DMRT3: variants seen among roughly 807,000 people sequenced by gnomAD.
The protein encoded by DMRT3 is doublesex- and mab-3-related transcription factor 3.
In DMRT3, 29 loss-of-function variants were observed where a neutral mutation model predicts 34.9. That is an observed-to-expected ratio of 0.83 (90% confidence interval 0.62 to 1.13). DMRT3 has a LOEUF of 1.13. Among genes scored for constraint, DMRT3 ranks in the 50% most tolerant of loss-of-function variants. The probability of loss-of-function intolerance (pLI) is 0.00; values close to 1 mark genes in which losing one functional copy is unlikely to be tolerated. For synonymous variants in DMRT3, 350 were observed against 286.0 expected (o/e 1.22, Z -2.26); for missense variants, 772 against 629.1 (o/e 1.23, Z -2.43).
rs1478625781 is a variant in DMRT3 at position 977,019 on chromosome 9, C to T, written c.18C>T (p.Ser6=). 6.5e-7 allele frequency: 1 copy of T among 1,540,950 alleles called. No individual in the cohort carries two copies. The highest frequency in any genetic ancestry group is 1.2e-5 in the South Asian group (1 of 83,308). The change falls in exon 1 of 2, where the codon TCC becomes TCT. Residue 6 remains serine (S), a synonymous_variant. Transcript: ENST00000190165. MNGYG[S]PYLYMGGPVS... The stretch of plus-strand genomic sequence containing the variant: ...CCCGGGGCATGAACGGCTACGGCTC[C>T]CCCTACCTGTACATGGGCGGCCCGG...
rs775580577 is a variant in DMRT3, at chr9:977,462, G to A, written c.454+7G>A. 1 of 1,281,708 alleles carries A rather than the reference G, an allele frequency of 7.8e-7. No homozygotes were observed. Among genetic ancestry groups the A allele is most frequent in the Non-Finnish European group, 9.9e-7 (1 of 1,014,100 alleles). The allele number at this position is 1,281,708 out of a possible 1,614,324, so 79.4% of individuals were successfully genotyped here. On this transcript the variant is annotated splice_region_variant and intron_variant, in intron 1 of 1. Coordinates refer to ENST00000190165, the MANE Select transcript of DMRT3 (RefSeq NM_021240.4). ...GCGCAGCTCGCCAAGCCAGGTAAGA[G>A]CGTCTGAGGTGCGGGAGTTTGGCCG...
chr9:977,654 C>G (rs375037901), intron 1 of DMRT3, among the ~76,000 whole-genome samples, 199 bp downstream of exon 1: 1 of 152,188 alleles, frequency 6.6e-6, no homozygotes, highest in African/African-American at 2.4e-5. Flanking sequence ...GAGTGGCACT[C>G]GCGCCCGCAG....
chr9:986,756 T>C (rs983344289), intron 1 of DMRT3, among the ~76,000 whole-genome samples: 1 of 151,914 alleles, frequency 6.6e-6, no homozygotes, highest in African/African-American at 2.4e-5. Flanking sequence ...CTGGGTGTGG[T>C]GGCACACACC....
In DMRT3 at chr9:977,250, G is replaced by A. The variant is rs1311152743; in HGVS notation, c.249G>A (p.Leu83=). ...GCCGGCAGCAGGCCAACGAGAGCTT[G>A]GAGAGCCTCATCCCCGACTCGCTGC... ...ALRRQQANES[L]ESLIPDSLRA... Residue 83 remains leucine, a synonymous_variant, in exon 1 of 2, where the codon TTG becomes TTA. Coordinates refer to ENST00000190165, the MANE Select transcript of DMRT3 (RefSeq NM_021240.4). The A allele has an allele frequency of 1.3e-6, 2 of 1,590,960 alleles. No homozygotes were observed. The highest frequency in any genetic ancestry group is 1.7e-6 in the Non-Finnish European group (2 of 1,168,390).
chr9:979,630 T>G (rs1820192316), intron 1 of DMRT3, among the ~76,000 whole-genome samples: 1 of 151,890 alleles, frequency 6.6e-6, no homozygotes, highest in African/African-American at 2.4e-5. Flanking sequence ...AAATCACCAC[T>G]CTGATGGGGA....
intron 1 of DMRT3, among the ~76,000 whole-genome samples, chr9:978,313 T>C (rs907829671): frequency 6.6e-6 from 1 of 152,192 alleles, no homozygotes; most frequent in African/African-American, 2.4e-5. Context: ...TCTTAGTCTC[T>C]CTCTTCCTGG....
Position 990,820 on chromosome 9 carries a change from C to T in DMRT3, c.1234C>T (p.Pro412Ser). 2 of 1,614,134 alleles carry T rather than the reference C, an allele frequency of 1.2e-6. No individual in the cohort carries two copies. The highest frequency in any genetic ancestry group is 1.7e-6 in the Non-Finnish European group (2 of 1,180,022). ...GAGGTCCCAGTATGTCAGTCCTTTC[C>T]CCAGTAACTCTACCAGCGTCTTCAG... ...QLRSQYVSPFPSNSTSVFRSS... is the reference protein window; with the variant it reads ...QLRSQYVSPFSSNSTSVFRSS... Residue 412 changes from proline to serine, a missense_variant, in exon 2 of 2, where the codon CCC becomes TCC. Physicochemically the swap from Pro to Ser is moderately conservative, Grantham distance 74. Coordinates refer to ENST00000190165, the MANE Select transcript of DMRT3 (RefSeq NM_021240.4).
In DMRT3 at chr9:976,931, C is replaced by G; in HGVS notation, c.-71C>G. 1 of 1,368,244 alleles carries G rather than the reference C, an allele frequency of 7.3e-7. No homozygotes were observed. The highest frequency in any genetic ancestry group is 9.5e-7 in the Non-Finnish European group (1 of 1,056,492). The allele number at this position is 1,368,244 out of a possible 1,614,324, so 84.8% of individuals were successfully genotyped here. ...GGAGGCCGCCCCTGAGCGGGCCTCG[C>G]AGCCCCGCCGTCCAGCGCTCCCTGG... On this transcript the variant is annotated 5_prime_UTR_variant, in exon 1 of 2. Coordinates refer to ENST00000190165, the MANE Select transcript of DMRT3 (RefSeq NM_021240.4). This position sits in a 1 kb window ranked among gnomAD's most constrained non-coding sequence, Gnocchi z 4.5.
intron 1 of DMRT3, among the ~76,000 whole-genome samples, chr9:989,285 A>G (rs1820323443): frequency 6.6e-6 from 1 of 152,340 alleles, no homozygotes; most frequent in South Asian, 2.1e-4. Flanking sequence ...CCCCCGTGCA[A>G]TTTAACAAAC....
chr9:982,371 C>T (rs1188832315), intron 1 of DMRT3, among the ~76,000 whole-genome samples: 1 of 152,242 alleles, frequency 6.6e-6, no homozygotes. Flanking sequence ...GAAAGAACCT[C>T]TCTCCACCTC....
chr9:988,161 TAG>T (rs1316499237), intron 1 of DMRT3, among the ~76,000 whole-genome samples: 3 of 152,214 alleles, frequency 2.0e-5, no homozygotes, highest in Non-Finnish European at 4.4e-5. Flanking sequence ...CATTCTACAG[TAG>T]AGTCTTTCTA....
At position 990,069 on chromosome 9, in the gene DMRT3, C is replaced by T. The variant is rs141017949; in HGVS notation, c.483C>T (p.Gly161=). The part of the protein sequence containing the change: ...PDLTEERLGD[G]KSADNTEVFS... The stretch of plus-strand genomic sequence containing the variant: ...TGACTGAAGAACGACTTGGAGACGG[C>T]AAGTCGGCAGACAATACAGAGGTCT... The change falls in exon 2 of 2, where the codon GGC becomes GGT. Residue 161 remains glycine (G), a synonymous_variant. Coordinates refer to ENST00000190165, the MANE Select transcript of DMRT3 (RefSeq NM_021240.4). The T allele has an allele frequency of 1.9e-6, 3 of 1,613,692 alleles. No homozygotes were observed. Among genetic ancestry groups the T allele is most frequent in the Non-Finnish European group, 1.7e-6 (2 of 1,179,960 alleles).
chr9:977,405 G>C lies in DMRT3; in HGVS notation c.404G>C (p.Trp135Ser). 1.0e-5 allele frequency: 13 copies of C among 1,257,412 alleles called. No individual in the cohort carries two copies. The highest frequency in any genetic ancestry group is 1.3e-5 in the Non-Finnish European group (13 of 1,003,996). 77.9% of individuals were successfully genotyped at this position (1,257,412 alleles called of 1,614,324 possible). A position where few individuals can be genotyped will look rare whatever the true frequency, so the allele number is the denominator to read the frequency against. The change falls in exon 1 of 2, where the codon TGG becomes TCG. Residue 135 changes from tryptophan (W) to serine (S), a missense_variant. Physicochemically the swap from Trp to Ser is radical, Grantham distance 177 (BLOSUM62 -3). Coordinates refer to ENST00000190165, the MANE Select transcript of DMRT3 (RefSeq NM_021240.4). The stretch of plus-strand genomic sequence containing the variant: ...TTGGCCGCGGCCGCCGCGCTGCGTT[G>C]GACTGCCGAGCCGCAGCCCGGGGCT... ...AELAAAAALR[W>S]TAEPQPGALQ...
At chr9:988,497 G>A (rs550021263) in intron 1 of DMRT3, among the ~76,000 whole-genome samples, 4 of 152,304 alleles carry the variant, frequency 2.6e-5, no homozygotes, top group Admixed American at 2.6e-4. Flanking sequence ...TAAATAACAA[G>A]TGTAGGAGAA....
chr9:978,535 C>T (rs948532170), intron 1 of DMRT3, among the ~76,000 whole-genome samples: 14 of 152,210 alleles, frequency 9.2e-5, no homozygotes, highest in African/African-American at 3.4e-4. Context: ...GGTACCTACA[C>T]TGACCTGCCA....
chr9:988,842 G>C (rs775671209), intron 1 of DMRT3, among the ~76,000 whole-genome samples: 43 of 152,164 alleles, frequency 2.8e-4, no homozygotes, highest in Non-Finnish European at 4.4e-4. Flanking sequence ...AGTAGCCACA[G>C]CCAGCGCGTG....
intron 1 of DMRT3, among the ~76,000 whole-genome samples, chr9:982,652 T>C (rs1820236392): frequency 6.6e-6 from 1 of 152,264 alleles, no homozygotes; most frequent in Non-Finnish European, 1.5e-5. Context: ...CACTTTCTGC[T>C]AACAGCTTTA....
At chr9:987,648 C>T (rs1820302285) in intron 1 of DMRT3, among the ~76,000 whole-genome samples, 1 of 151,826 alleles carries the variant, frequency 6.6e-6, no homozygotes, top group South Asian at 2.1e-4. Flanking sequence ...AAGATAAGGT[C>T]CATAAGCTAG....
At chr9:989,865 T>G in intron 1 of DMRT3, 176 bp from the exon 2 acceptor site, 2 of 717,846 alleles carry the variant, frequency 2.8e-6, no homozygotes, top group South Asian at 2.3e-5. Flanking sequence ...TTACAGGGTT[T>G]TTGTTTCATT....
Sources: gnomAD v4.1 joint callset for allele counts (sites outside exome capture counted in the v4.1 genomes callset) on GRCh38, gnomAD v4.1.1 for gene constraint, Gnocchi (gnomAD v3.1) non-coding constraint, MANE v1.5 for transcripts, NCBI Gene and HGNC (gene_info 2026-07-23, HGNC 2026-07-21) for gene names.